The following ERC1 variants were observed in gnomAD, a reference collection of about 807,000 sequenced individuals.
The protein encoded by ERC1 is RAB6 interacting protein 2.
In ERC1, 56 loss-of-function variants were observed where a neutral mutation model predicts 132.0. The observed-to-expected ratio is 0.42, with a 90% CI of 0.34 to 0.53. The LOEUF (loss-of-function observed/expected upper bound fraction) is 0.53, where lower values mean the gene tolerates loss of function less well. Among genes scored for constraint, ERC1 ranks in the 20% least tolerant of loss-of-function variants. ERC1 has a pLI of 0.03. For missense variants in ERC1, 1,202 were observed against 1,349.9 expected (o/e 0.89, Z 1.72); for synonymous variants, 478 against 476.1 (o/e 1.00, Z -0.05).
chr12:1,406,994 A>G (rs1322916142), intron 16 of ERC1, among the ~76,000 whole-genome samples: 1 of 152,200 alleles, frequency 6.6e-6, no homozygotes, highest in Non-Finnish European at 1.5e-5. Flanking sequence ...CTAGTGTAAC[A>G]TATTGCTGTT....
chr12:1,181,457 C>T (rs538854565), intron 9 of ERC1, among the ~76,000 whole-genome samples: 17 of 152,238 alleles, frequency 1.1e-4, no homozygotes, highest in Admixed American at 9.2e-4. Flanking sequence ...AATGAATAAA[C>T]CTACATCCTT....
chr12:1,441,524 A>G (rs942785079), intron 17 of ERC1, among the ~76,000 whole-genome samples: 5 of 152,188 alleles, frequency 3.3e-5, no homozygotes, highest in Non-Finnish European at 5.9e-5. Context: ...CTTCGTGGTC[A>G]TACTTTTTTC....
At chr12:1,038,005 A>G (rs754223136) in intron 2 of ERC1, among the ~76,000 whole-genome samples, 1 of 151,632 alleles carries the variant, frequency 6.6e-6, no homozygotes, top group Non-Finnish European at 1.5e-5. Context: ...AGATTGCGCC[A>G]CTGCACTCCA....
chr12:1,428,580 A>G (rs949941498), intron 17 of ERC1, among the ~76,000 whole-genome samples: 1 of 152,178 alleles, frequency 6.6e-6, no homozygotes, highest in Admixed American at 6.5e-5. Flanking sequence ...TTTGGAAGAC[A>G]GGCCTAACAC....
intron 8 of ERC1, among the ~76,000 whole-genome samples, chr12:1,176,689 T>C (rs1335071502): frequency 6.6e-6 from 1 of 152,082 alleles, no homozygotes; most frequent in Non-Finnish European, 1.5e-5. Flanking sequence ...CAAGCAGTTC[T>C]CCCATCTCAG....
intron 18 of ERC1, 117 bp downstream of exon 18, chr12:1,444,867 C>A: frequency 2.4e-6 from 2 of 848,172 alleles, no homozygotes; most frequent in South Asian, 1.8e-5. Flanking sequence ...GCAGTGGGGG[C>A]TACCTTGGGG....
chr12:1,477,936 A>G (rs2094006905), intron 18 of ERC1, among the ~76,000 whole-genome samples: 1 of 152,226 alleles, frequency 6.6e-6, no homozygotes, highest in Non-Finnish European at 1.5e-5. Flanking sequence ...TAGTTCATTC[A>G]TTCTCATTGC....
intron 15 of ERC1, among the ~76,000 whole-genome samples, chr12:1,302,637 G>T (rs56362023): frequency 0.088 from 13,371 of 152,098 alleles, 828 homozygotes; most frequent in African/African-American, 0.16. Flanking sequence ...GTAATAAGGC[G>T]AGTCACGCAA....
intron 12 of ERC1, among the ~76,000 whole-genome samples, chr12:1,228,120 C>T (rs947337172): frequency 4.6e-5 from 7 of 152,254 alleles, no homozygotes; most frequent in African/African-American, 4.8e-5. Flanking sequence ...TGGCTATTCA[C>T]GGTCTTTTAT....
intron 10 of ERC1, 40 bp from the exon 11 acceptor site, chr12:1,183,241 T>G (rs1252292230): frequency 7.2e-7 from 1 of 1,395,968 alleles, no homozygotes; most frequent in Non-Finnish European, 9.6e-7. Context: ...CTCTATTTTT[T>G]TTAAAATTAT....
chr12:1,192,040 T>G (rs1266650661), intron 12 of ERC1, among the ~76,000 whole-genome samples: 2 of 152,216 alleles, frequency 1.3e-5, no homozygotes, highest in African/African-American at 4.8e-5. Context: ...AGTGACGTGG[T>G]GGTTGAGCCA....
chr12:1,244,152 G>C (rs1338707480), intron 13 of ERC1, among the ~76,000 whole-genome samples: 1 of 152,078 alleles, frequency 6.6e-6, no homozygotes, highest in Non-Finnish European at 1.5e-5. Flanking sequence ...AATATACCAC[G>C]TGATTGAAGT....
chr12:1,172,739 C>A (rs1244373067), intron 8 of ERC1, among the ~76,000 whole-genome samples: 1 of 150,244 alleles, frequency 6.7e-6, no homozygotes, highest in Non-Finnish European at 1.5e-5. Flanking sequence ...AAAATGTATC[C>A]TTTTCTGTAA....
At chr12:1,268,986 G>C (rs2077646726) in intron 14 of ERC1, among the ~76,000 whole-genome samples, 1 of 152,184 alleles carries the variant, frequency 6.6e-6, no homozygotes, top group African/African-American at 2.4e-5. Flanking sequence ...AGATCATGCT[G>C]AATGAAGCAT....
At chr12:1,457,131 A>C (rs1466792342) in intron 18 of ERC1, among the ~76,000 whole-genome samples, 1 of 152,210 alleles carries the variant, frequency 6.6e-6, no homozygotes, top group African/African-American at 2.4e-5. Flanking sequence ...CACATGCTGT[A>C]CAGGTTTGTA....
intron 1 of ERC1, among the ~76,000 whole-genome samples, chr12:1,013,840 T>TA (rs1965079304): frequency 6.6e-6 from 1 of 152,166 alleles, no homozygotes; most frequent in African/African-American, 2.4e-5. Context: ...CAAGCTGTCT[T>TA]ACTGCTACAG....
intron 1 of ERC1, among the ~76,000 whole-genome samples, chr12:1,004,617 G>A (rs945342590): frequency 2.0e-5 from 3 of 151,722 alleles, no homozygotes; most frequent in Admixed American, 6.6e-5. Flanking sequence ...GTGTTGGCCA[G>A]GCTGGTCTCA....
chr12:1,200,689 G>A (rs950334666), intron 12 of ERC1, among the ~76,000 whole-genome samples: 8 of 151,986 alleles, frequency 5.3e-5, no homozygotes, highest in Non-Finnish European at 1.2e-4. Context: ...CTCCTGAGTA[G>A]CTGGGACTAC....
At chr12:1,146,158 TG>T (rs1194489406) in intron 8 of ERC1, among the ~76,000 whole-genome samples, 1 of 151,354 alleles carries the variant, frequency 6.6e-6, no homozygotes, top group African/African-American at 2.4e-5. Context: ...AGATTGCTTT[TG>T]GCAGTGTGGT....
Sources: gnomAD v4.1 joint callset for allele counts (sites outside exome capture counted in the v4.1 genomes callset) on GRCh38, gnomAD v4.1.1 for gene constraint, MANE v1.5 for transcripts, NCBI Gene and HGNC (gene_info 2026-07-23, HGNC 2026-07-21) for gene names.